FSTL4: variants seen among roughly 807,000 people sequenced by gnomAD.
The protein encoded by FSTL4 is follistatin-related protein 4.
In FSTL4, 28 loss-of-function variants were observed where a neutral mutation model predicts 78.2. The ratio of observed to expected loss-of-function variants is 0.36; its 90% CI spans 0.27 to 0.49. The LOEUF (loss-of-function observed/expected upper bound fraction) is 0.49. Among genes scored for constraint, FSTL4 ranks in the 20% least tolerant of loss-of-function variants. FSTL4 has a pLI of 0.98. For missense variants in FSTL4, 922 were observed against 1,084.9 expected, an observed-to-expected ratio of 0.85 and a Z score of 2.11; for synonymous variants, 422 against 440.5, an observed-to-expected ratio of 0.96 and a Z score of 0.53.
the FSTL4 span, among the ~76,000 whole-genome samples, chr5:133,665,332 C>T: frequency 2.2e-4 from 33 of 152,298 alleles, no homozygotes; most frequent in Non-Finnish European, 4.3e-4. Flanking sequence ...GGAATCAATT[C>T]GGTCCTCTTC....
intron 4 of FSTL4, among the ~76,000 whole-genome samples, chr5:133,337,330 C>G (rs1237064791): frequency 6.6e-6 from 1 of 151,540 alleles, no homozygotes; most frequent in African/African-American, 2.4e-5. Context: ...GGCTGTTAAG[C>G]GTCCTCTGCA....
At chr5:133,609,536 A>G (rs1192780989) in intron 1 of FSTL4, among the ~76,000 whole-genome samples, 1 of 152,230 alleles carries the variant, frequency 6.6e-6, no homozygotes, top group Non-Finnish European at 1.5e-5. Context: ...AGTGGTACAG[A>G]TTTCCTAAGA....
At chr5:133,302,399 AC>A (rs767188389) in intron 6 of FSTL4, among the ~76,000 whole-genome samples, 14 of 152,180 alleles carry the variant, frequency 9.2e-5, no homozygotes, top group Admixed American at 3.3e-4. Context: ...CTCTGACTTC[AC>A]AGGTCTTCGA....
At chr5:133,315,411 G>C (rs1184507427) in intron 5 of FSTL4, among the ~76,000 whole-genome samples, 2 of 152,168 alleles carry the variant, frequency 1.3e-5, no homozygotes, top group Admixed American at 1.3e-4. Flanking sequence ...ATTAATCATA[G>C]GTCAAGGGCC....
chr5:133,654,764 C>T, the FSTL4 span, among the ~76,000 whole-genome samples: 3 of 152,172 alleles, frequency 2.0e-5, no homozygotes, highest in South Asian at 4.1e-4. Flanking sequence ...TGATGGAGAG[C>T]GCCTGACACA....
intron 3 of FSTL4, among the ~76,000 whole-genome samples, chr5:133,516,254 C>T (rs1208900611): frequency 2.0e-5 from 3 of 151,898 alleles, no homozygotes; most frequent in Non-Finnish European, 4.4e-5. Flanking sequence ...AGTCAAAAAA[C>T]ATTGAAAAGA....
chr5:133,522,931 T>A (rs1311560616), intron 3 of FSTL4, among the ~76,000 whole-genome samples: 5 of 152,240 alleles, frequency 3.3e-5, no homozygotes, highest in African/African-American at 1.2e-4. Flanking sequence ...AATTAAGGCA[T>A]CGGAAAAAGT....
chr5:133,736,956 A>G, the FSTL4 span, among the ~76,000 whole-genome samples: 1 of 152,162 alleles, frequency 6.6e-6, no homozygotes, highest in Non-Finnish European at 1.5e-5. Context: ...GGTACATAGT[A>G]GGTATATATA....
At chr5:133,708,276 G>A in the FSTL4 span, among the ~76,000 whole-genome samples, 1 of 152,134 alleles carries the variant, frequency 6.6e-6, no homozygotes, top group South Asian at 2.1e-4. Context: ...GAGGTGGCTT[G>A]CTTGTATTTG....
At chr5:133,310,200 T>C (rs1250408400) in intron 6 of FSTL4, among the ~76,000 whole-genome samples, 1 of 152,216 alleles carries the variant, frequency 6.6e-6, no homozygotes, top group Non-Finnish European at 1.5e-5. Context: ...GGCTGTGAGT[T>C]TACGTTTTAT....
At chr5:133,455,458 A>C (rs1467875146) in intron 3 of FSTL4, among the ~76,000 whole-genome samples, 1 of 139,108 alleles carries the variant, frequency 7.2e-6, no homozygotes, top group Non-Finnish European at 1.5e-5. Flanking sequence ...GCAAAAGATA[A>C]AATAAATTTG....
chr5:133,221,412 C>T (rs1055373127), intron 11 of FSTL4, among the ~76,000 whole-genome samples: 4 of 149,664 alleles, frequency 2.7e-5, no homozygotes, highest in African/African-American at 9.9e-5. Flanking sequence ...CCTGCCCCCC[C>T]ACCGCCCCCC....
chr5:133,715,742 T>G, the FSTL4 span, among the ~76,000 whole-genome samples: 2 of 152,114 alleles, frequency 1.3e-5, no homozygotes, highest in Non-Finnish European at 2.9e-5. Context: ...GGTAAGTAAA[T>G]GCACACCCTA....
intron 6 of FSTL4, among the ~76,000 whole-genome samples, chr5:133,292,513 T>A (rs1383039267): frequency 2.7e-5 from 4 of 149,552 alleles, no homozygotes; most frequent in African/African-American, 7.5e-5. Context: ...TCATGATTCA[T>A]CACAGTGGTG....
chr5:133,196,606 G>A lies in FSTL4; in HGVS notation c.*2489C>T, dbSNP rs1750153354. On this transcript the variant is annotated 3_prime_UTR_variant, in exon 16 of 16. Coordinates refer to ENST00000265342, the MANE Select transcript of FSTL4 (RefSeq NM_015082.2). ...GGGTTCATTAGGAGGATTACCGGCT[G>A]GGCTTGCTACAGGAGGCCCCCCTGT... is the stretch of plus-strand genomic sequence containing the variant. The A allele has an allele frequency of 6.6e-6, 1 of 152,202 alleles. No individual in the cohort carries two copies. The allele number at this position is 152,202 out of a possible 1,614,324, so 9.4% of individuals were successfully genotyped here.
intron 3 of FSTL4, among the ~76,000 whole-genome samples, chr5:133,490,140 T>C (rs1195023467): frequency 6.6e-6 from 1 of 152,062 alleles, no homozygotes; most frequent in East Asian, 1.9e-4. Flanking sequence ...ATTGTTTTTT[T>C]TTTTTTAAAT....
chr5:133,803,156 C>A, the FSTL4 span, among the ~76,000 whole-genome samples: 4 of 152,136 alleles, frequency 2.6e-5, no homozygotes, highest in African/African-American at 9.7e-5. Context: ...AGGCAAGCAC[C>A]CCTGAATGTC....
Position 133,198,878 on chromosome 5 carries a change from G to A in FSTL4, c.*217C>T, listed in dbSNP as rs1198933448. On this transcript the variant is annotated 3_prime_UTR_variant, in exon 16 of 16. Transcript: ENST00000265342. Reference sequence around the variant, plus strand: ...TTACACAGCAGCATATGTTCTCATCGTAGCTCAAGGCATAAATCATACTTC... The same window carrying A: ...TTACACAGCAGCATATGTTCTCATCATAGCTCAAGGCATAAATCATACTTC... 1.7e-5 allele frequency: 8 copies of A among 458,464 alleles called. No individual in the cohort carries two copies. Among genetic ancestry groups the A allele is most frequent in the East Asian group, 3.1e-5 (1 of 32,538 alleles). 28.4% of individuals were successfully genotyped at this position (458,464 alleles called of 1,614,324 possible). A position where few individuals can be genotyped will look rare whatever the true frequency, so the allele number is the denominator to read the frequency against.
At chr5:133,340,143 C>A (rs1754550791) in intron 4 of FSTL4, among the ~76,000 whole-genome samples, 1 of 152,274 alleles carries the variant, frequency 6.6e-6, no homozygotes, top group East Asian at 1.9e-4. Context: ...GGCTTCTCTC[C>A]CTGGGCCTCA....
Sources: allele counts gnomAD v4.1 joint callset (sites outside exome capture counted in the v4.1 genomes callset), GRCh38; gene constraint gnomAD v4.1.1; transcripts MANE v1.5; gene names NCBI Gene and HGNC (gene_info 2026-07-23, HGNC 2026-07-21).